FANCA: variants seen among roughly 807,000 people sequenced by gnomAD.
The protein encoded by FANCA is Fanconi anemia group A protein.
Under a neutral mutation model 194.3 loss-of-function variants are expected in FANCA, and 236 were observed. The observed-to-expected ratio is 1.21, with a 90% CI of 1.09 to 1.35. The LOEUF (loss-of-function observed/expected upper bound fraction) is 1.35. Among genes scored for constraint, FANCA ranks in the 40% most tolerant of loss-of-function variants. The pLI is 0.00. For missense variants in FANCA, 2,628 were observed against 1,813.9 expected, an observed-to-expected ratio of 1.45 and a Z score of -8.15; for synonymous variants, 1,014 against 715.8, an observed-to-expected ratio of 1.42 and a Z score of -6.65.
intron 37 of FANCA, 72 bp downstream of exon 37, chr16:89,742,728 G>A (rs1450028982): frequency 1.4e-6 from 2 of 1,444,070 alleles, no homozygotes; most frequent in Non-Finnish European, 1.9e-6. Context: ...CATCAGACAA[G>A]CCCAGAGAAA....
chr16:89,772,713 G>A (rs1319085751), intron 22 of FANCA, among the ~76,000 whole-genome samples: 1 of 151,306 alleles, frequency 6.6e-6, no homozygotes, highest in African/African-American at 2.4e-5. Flanking sequence ...TAGCAACTTG[G>A]GAGGCTGAGG....
In FANCA at chr16:89,779,011, A is replaced by ACAGAGAAGCAGACAGTGCATCAGT; in HGVS notation, c.1716-32_1716-9dup. 1.9e-6 allele frequency: 3 copies of ACAGAGAAGCAGACAGTGCATCAGT among 1,612,934 alleles called. No homozygotes were observed. Among genetic ancestry groups the ACAGAGAAGCAGACAGTGCATCAGT allele is most frequent in the Non-Finnish European group, 8.5e-7 (1 of 1,179,898 alleles). ...TAAGGCCTCCTGAATATGCTGCAACACAGAGAAGCAGACAGTGCATCAGTC... is the reference window on the plus strand; with the variant it reads ...TAAGGCCTCCTGAATATGCTGCAACACAGAGAAGCAGACAGTGCATCAGTCAGAGAAGCAGACAGTGCATCAGTC... On this transcript the variant is annotated splice_polypyrimidine_tract_variant and intron_variant, in intron 18 of 42. Transcript: ENST00000389301.
chr16:89,808,214 C>G, intron 6 of FANCA, 80 bp downstream of exon 6: 3 of 1,360,180 alleles, frequency 2.2e-6, no homozygotes, highest in Non-Finnish European at 3.2e-6. Context: ...TCAAACCCGT[C>G]TGATTCTGGG....
intron 1 of FANCA, 159 bp from the exon 2 acceptor site, chr16:89,816,145 G>A (rs1402585041): frequency 2.9e-6 from 2 of 684,290 alleles, no homozygotes; most frequent in Non-Finnish European, 5.3e-6. Flanking sequence ...GAAACTAACG[G>A]AGACGGCCCC....
chr16:89,788,315 G>C (rs13332137), intron 14 of FANCA, among the ~76,000 whole-genome samples: 1 of 152,046 alleles, frequency 6.6e-6, no homozygotes, highest in East Asian at 1.9e-4. Context: ...ACAAAAATTA[G>C]CCAGGTGTGG....
chr16:89,813,596 C>A (rs1232542261), intron 3 of FANCA, among the ~76,000 whole-genome samples: 1 of 152,020 alleles, frequency 6.6e-6, no homozygotes, highest in Non-Finnish European at 1.5e-5. Context: ...CCACACCCGG[C>A]TAATTTTTGT....
chr16:89,789,516 A>G (rs996661274), intron 14 of FANCA, among the ~76,000 whole-genome samples: 3 of 147,212 alleles, frequency 2.0e-5, no homozygotes, highest in African/African-American at 7.6e-5. Context: ...TCCCAGCTCA[A>G]TGCAGCCTCA....
At position 89,791,997 on chromosome 16, in the gene FANCA, G is replaced by A. The variant is rs764376090; in HGVS notation, c.1155C>T (p.His385=). ...LQEVLETQEV[H]WQRVLSFVSA... The stretch of plus-strand genomic sequence containing the variant: ...ACACAAAGGAGAGCACTCTCTGCCA[G>A]TGAACCTCCTGCGTTTCCAGAACTT... The change falls in exon 13 of 43, where the codon CAC becomes CAT. Residue 385 remains histidine, a synonymous_variant. Coordinates refer to ENST00000389301, the MANE Select transcript of FANCA (RefSeq NM_000135.4). 5.0e-6 allele frequency: 8 copies of A among 1,614,080 alleles called. No individual in the cohort carries two copies. The highest frequency in any genetic ancestry group is 4.0e-5 in the African/African-American group (3 of 74,932).
chr16:89,813,116 C>T (rs1479517323), intron 3 of FANCA, among the ~76,000 whole-genome samples: 7 of 151,002 alleles, frequency 4.6e-5, no homozygotes, highest in African/African-American at 7.3e-5. Context: ...GTGAAATTCT[C>T]GGTAGAAAAG....
At position 89,738,673 on chromosome 16, in the gene FANCA, C is replaced by T. The variant is rs2151709848; in HGVS notation, c.4296G>A (p.Val1432=). 1 of 1,613,862 alleles carries T rather than the reference C, an allele frequency of 6.2e-7. No individual in the cohort carries two copies. Among genetic ancestry groups the T allele is most frequent in the Non-Finnish European group, 8.5e-7 (1 of 1,180,028 alleles). The change falls in exon 43 of 43, where the codon GTG becomes GTA. Residue 1432 remains valine (V), a synonymous_variant. Coordinates refer to ENST00000389301, the MANE Select transcript of FANCA (RefSeq NM_000135.4). ...LADRGDCDPE[V]SAALQSRQQA... Reference sequence around the variant, plus strand: ...GCTGTCTGCTCTGGAGGGCGGCGCTCACCTCTGGGTCGCAGTCCCCACGAT... The same window carrying T: ...GCTGTCTGCTCTGGAGGGCGGCGCTTACCTCTGGGTCGCAGTCCCCACGAT...
At position 89,738,572 on chromosome 16, in the gene FANCA, G is replaced by C; in HGVS notation, c.*29C>G. The C allele has an allele frequency of 6.2e-7, 1 of 1,612,978 alleles. No homozygotes were observed. The highest frequency in any genetic ancestry group is 1.1e-5 in the South Asian group (1 of 91,024). On this transcript the variant is annotated 3_prime_UTR_variant, in exon 43 of 43. Coordinates refer to ENST00000389301, the MANE Select transcript of FANCA (RefSeq NM_000135.4). Reference sequence around the variant, plus strand: ...CTTGTAATAAATTATTTACACGGGAGCTGGGCTGGTGTGCAGTGGCAGGTC... The same window carrying C: ...CTTGTAATAAATTATTTACACGGGACCTGGGCTGGTGTGCAGTGGCAGGTC...
intron 28 of FANCA, among the ~76,000 whole-genome samples, chr16:89,763,920 G>A (rs143638682): frequency 1.4e-5 from 2 of 142,478 alleles, no homozygotes; most frequent in South Asian, 2.2e-4. Context: ...GACTCCACCA[G>A]AAAAAAAAAA....
At chr16:89,782,649 C>T (rs1270283755) in intron 17 of FANCA, among the ~76,000 whole-genome samples, 2 of 152,172 alleles carry the variant, frequency 1.3e-5, no homozygotes, top group African/African-American at 2.4e-5. Flanking sequence ...CTCTGCCACA[C>T]AGTAACCCTT....
rs112177258 is a variant in FANCA at position 89,738,293 on chromosome 16, G to A, written c.*308C>T. ...CCTCTAGCAGCCTGGACTCCGCAGT[G>A]GCTGTGTCAGCCTCACCCTTCGTGT... On this transcript the variant is annotated 3_prime_UTR_variant, in exon 43 of 43. Transcript: ENST00000389301. The A allele has an allele frequency of 3.3e-5, 51 of 1,542,538 alleles. 1 individual carries two copies. In the African/African-American group the frequency reaches 3.8e-4, roughly 12 times the overall value.
intron 11 of FANCA, among the ~76,000 whole-genome samples, chr16:89,793,010 A>C (rs974944546): frequency 2.0e-5 from 3 of 152,224 alleles, no homozygotes; most frequent in African/African-American, 7.2e-5. Flanking sequence ...CCAGGTGTAC[A>C]GGATGGAACA....
At chr16:89,793,344 A>G (rs1249347007) in intron 11 of FANCA, among the ~76,000 whole-genome samples, 2 of 152,156 alleles carry the variant, frequency 1.3e-5, no homozygotes, top group African/African-American at 4.8e-5. Context: ...CTCTTGTCTT[A>G]TGGTCACTTC....
At chr16:89,791,236 C>A in intron 14 of FANCA, 167 bp downstream of exon 14, 1 of 895,984 alleles carries the variant, frequency 1.1e-6, no homozygotes, top group South Asian at 1.4e-5. Context: ...AGGGAGAACC[C>A]AGGCTCCTCG....
At position 89,762,014 on chromosome 16, in the gene FANCA, G is replaced by A; in HGVS notation, c.2787C>T (p.Tyr929=). The change falls in exon 29 of 43, where the codon TAC becomes TAT. Residue 929 remains tyrosine, a synonymous_variant. Transcript: ENST00000389301. ...VLKEEDVHLT[Y]QDWLHLELEI... ...CCAGCTCCAGGTGTAACCAGTCTTG[G>A]TAAGTTAACTGAGAAAGAGAGCAAG... 1 of 1,613,460 alleles carries A rather than the reference G, an allele frequency of 6.2e-7. No individual in the cohort carries two copies. Among genetic ancestry groups the A allele is most frequent in the Non-Finnish European group, 8.5e-7 (1 of 1,179,428 alleles).
At chr16:89,810,864 C>T in intron 4 of FANCA, 62 bp from the exon 5 acceptor site, 1 of 1,613,186 alleles carries the variant, frequency 6.2e-7, no homozygotes, top group Non-Finnish European at 8.5e-7. Context: ...AAAGCTATGT[C>T]CTATTTTCCC....
Sources: gnomAD v4.1 joint callset for allele counts (sites outside exome capture counted in the v4.1 genomes callset) on GRCh38, gnomAD v4.1.1 for gene constraint, MANE v1.5 for transcripts, NCBI Gene and HGNC (gene_info 2026-07-23, HGNC 2026-07-21) for gene names.